Variants in ADCYAP1 observed in about 807,000 individuals in gnomAD.
ADCYAP1 encodes the protein adenylate cyclase activating polypeptide 1, also known as pituitary adenylate cyclase-activating polypeptide.
In ADCYAP1, 6 loss-of-function variants were observed where a neutral mutation model predicts 18.5. The observed-to-expected ratio is 0.32, with a 90% CI of 0.18 to 0.64. The LOEUF (loss-of-function observed/expected upper bound fraction) is 0.64. ADCYAP1 is among the 30% of genes least tolerant of loss of function. The pLI, the probability that ADCYAP1 is intolerant of heterozygous loss-of-function variation, is 0.77. For missense variants in ADCYAP1, 314 were observed against 253.6 expected, an observed-to-expected ratio of 1.24 and a Z score of -1.62; for synonymous variants, 136 against 113.9, an observed-to-expected ratio of 1.19 and a Z score of -1.24.
At chr18:907,855 G>A (rs1272545762) in intron 3 of ADCYAP1, 65 bp downstream of exon 3, 18 of 1,406,188 alleles carry the variant, frequency 1.3e-5, no homozygotes, top group Non-Finnish European at 1.4e-5. Flanking sequence ...GACGGGAGGG[G>A]CAGTGTGGTG....
At position 907,738 on chromosome 18, in the gene ADCYAP1, CCCGCCTCCGCGCCGCGCGCCGCCG is replaced by C; in HGVS notation, c.197_220del (p.Ser66_Ala73del). On this transcript the variant is annotated inframe_deletion, in exon 3 of 5. Transcript: ENST00000450565. Reference sequence around the variant, plus strand: ...CTCGGAGCCGCCGGGCGCAGGGAGCCCCGCCTCCGCGCCGCGCGCCGCCGCCGCCTGGTACCGCCCGGCCGGGAG... The same window carrying C: ...CTCGGAGCCGCCGGGCGCAGGGAGCCCCGCCTGGTACCGCCCGGCCGGGAG... The C allele has an allele frequency of 1.3e-6, 2 of 1,519,246 alleles. No homozygotes were observed. The highest frequency in any genetic ancestry group is 1.8e-6 in the Non-Finnish European group (2 of 1,140,160). The allele number at this position is 1,519,246 out of a possible 1,614,324, so 94.1% of individuals were successfully genotyped here.
chr18:907,893 C>G, intron 3 of ADCYAP1, 103 bp downstream of exon 3: 9 of 1,361,776 alleles, frequency 6.6e-6, no homozygotes, highest in South Asian at 1.7e-5. Context: ...TTTTTTTTCC[C>G]GTGAAAGTCC....
rs753893246 is a variant in ADCYAP1 at position 909,644 on chromosome 18, T to A, written c.*9T>A. 5.0e-6 allele frequency: 8 copies of A among 1,612,384 alleles called. No individual in the cohort carries two copies. The South Asian group carries it at 8.8e-5, about 18-fold the overall frequency. ...GAATAGCTTATTTGTAGCGATGGGT[T>A]ACCAGCTACCCTGTGTATACAGCCC... On this transcript the variant is annotated 3_prime_UTR_variant, in exon 5 of 5. Transcript: ENST00000450565.
Position 908,327 on chromosome 18 carries a change from G to A in ADCYAP1, c.305G>A (p.Gly102Glu), listed in dbSNP as rs1413469619. ...AAAGTGCTGGACCAGCTGTCCGCCG[G>A]GAAGCACCTGCAGTCGCTCGTGGCC... Reference protein sequence around the residue: ...YRKVLDQLSAGKHLQSLVARG... With the variant: ...YRKVLDQLSAEKHLQSLVARG... The change falls in exon 4 of 5, where the codon GGG becomes GAG. Residue 102 changes from glycine to glutamate, a missense_variant. By Grantham distance (98) the Gly-to-Glu change is moderately conservative. Transcript: ENST00000450565. 2.5e-6 allele frequency: 4 copies of A among 1,613,290 alleles called. No homozygotes were observed. Among genetic ancestry groups the A allele is most frequent in the East Asian group, 2.2e-5 (1 of 44,854 alleles).
chr18:909,714 G>T lies in ADCYAP1; in HGVS notation c.*79G>T, dbSNP rs975006882. 2.3e-5 allele frequency: 30 copies of T among 1,321,538 alleles called. No homozygotes were observed. The African/African-American group carries it at 4.2e-4, about 19-fold the overall frequency. The allele number at this position is 1,321,538 out of a possible 1,614,324, so 81.9% of individuals were successfully genotyped here. ...TTTCCAAACTGACTCAACAGTCATCGCTCGTGTGTTCTATCCAAACATGTA... is the reference window on the plus strand; with the variant it reads ...TTTCCAAACTGACTCAACAGTCATCTCTCGTGTGTTCTATCCAAACATGTA... On this transcript the variant is annotated 3_prime_UTR_variant, in exon 5 of 5. Coordinates refer to ENST00000450565, the MANE Select transcript of ADCYAP1 (RefSeq NM_001099733.2).
intron 3 of ADCYAP1, 179 bp downstream of exon 3, chr18:907,969 GTGTGGACC>G: frequency 8.1e-7 from 1 of 1,237,174 alleles, no homozygotes; most frequent in Non-Finnish European, 1.1e-6. Flanking sequence ...GGGCGGGTCT[GTGTGGACC>G]TGAGGGCCGC....
chr18:905,879 G>T (rs963439399), intron 2 of ADCYAP1: 1 of 256,622 alleles, frequency 3.9e-6, no homozygotes, highest in Non-Finnish European at 7.4e-6. Flanking sequence ...CCTGGCCGGG[G>T]GTTGAGCGTG....
In ADCYAP1 at chr18:905,030, C is replaced by T. The variant is rs1909106554; in HGVS notation, c.-32C>T. ...GCGCTTTGCCCGCCGTCCTACCTGG[C>T]AGCTCTCCTGGCAGCGGGAGGAGTT... On this transcript the variant is annotated 5_prime_UTR_variant, in exon 1 of 5. Transcript: ENST00000450565. 7.7e-7 allele frequency: 1 copy of T among 1,295,258 alleles called. No homozygotes were observed. The highest frequency in any genetic ancestry group is 2.3e-5 in the Admixed American group (1 of 42,894). The allele number at this position is 1,295,258 out of a possible 1,614,324, so 80.2% of individuals were successfully genotyped here.
upstream of ADCYAP1, chr18:904,806 C>T: frequency 7.8e-7 from 1 of 1,285,812 alleles, no homozygotes; most frequent in Non-Finnish European, 1.0e-6. Context: ...CTGCCTCTCT[C>T]TCTGCGCCCC....
chr18:908,002 G>A (rs776361223), intron 3 of ADCYAP1: 1,295 of 961,036 alleles, frequency 1.3e-3, no homozygotes, highest in Non-Finnish European at 1.8e-3. Context: ...GGACCGAGGG[G>A]GGCTGTGGCC....
intron 1 of ADCYAP1, 148 bp from the exon 2 acceptor site, chr18:905,238 G>A: frequency 2.0e-6 from 3 of 1,467,842 alleles, no homozygotes; most frequent in South Asian, 2.8e-5. Flanking sequence ...GTGGCAGGGC[G>A]CGCACCGGCT....
intron 1 of ADCYAP1, 107 bp from the exon 2 acceptor site, chr18:905,279 G>C (rs886294261): frequency 2.0e-6 from 3 of 1,522,042 alleles, no homozygotes; most frequent in Non-Finnish European, 1.8e-6. Context: ...TCAGGGAGCC[G>C]GGGCTTCGCT....
chr18:904,423 TAAAGGC>T, upstream of ADCYAP1: 14 of 1,283,550 alleles, frequency 1.1e-5, no homozygotes, highest in African/African-American at 1.5e-5. Context: ...ATTCTGTACT[TAAAGGC>T]AACAGGCAGG....
chr18:907,911 T>C, intron 3 of ADCYAP1, 121 bp downstream of exon 3: 1 of 1,367,448 alleles, frequency 7.3e-7, no homozygotes, highest in Non-Finnish European at 9.4e-7. Context: ...TCCTCAAGCC[T>C]GTCCTCTCCC....
rs772551357 is a variant in ADCYAP1, at chr18:904,930, G to A, written c.-132G>A. ...CCTCCTGCTGCTCCCGCTGGTTCCT[G>A]CGGCTTCTGCTCAGACACCAACGCC... is the stretch of plus-strand genomic sequence containing the variant. On this transcript the variant is annotated 5_prime_UTR_variant, in exon 1 of 5. Transcript: ENST00000450565. 22 of 1,290,222 alleles carry A rather than the reference G, an allele frequency of 1.7e-5. No homozygotes were observed. The South Asian group carries it at 2.5e-4, about 14-fold the overall frequency. 79.9% of individuals were successfully genotyped at this position (1,290,222 alleles called of 1,614,324 possible).
Position 911,343 on chromosome 18 carries a change from C to T in ADCYAP1, c.*1708C>T, listed in dbSNP as rs1598986845. On this transcript the variant is annotated 3_prime_UTR_variant, in exon 5 of 5. Coordinates refer to ENST00000450565, the MANE Select transcript of ADCYAP1 (RefSeq NM_001099733.2). ...GAGCAGCAACAGACAAACCAGCCAG[C>T]CAATCTCCCAAATTTCAGGCACAAG... The T allele has an allele frequency of 2.0e-5, 3 of 149,916 alleles. No homozygotes were observed. The highest frequency in any genetic ancestry group is 7.4e-5 in the African/African-American group (3 of 40,792). 9.3% of individuals were successfully genotyped at this position (149,916 alleles called of 1,614,324 possible).
Position 911,843 on chromosome 18 carries a change from G to A in ADCYAP1, c.*2208G>A, listed in dbSNP as rs1909399785. The stretch of plus-strand genomic sequence containing the variant: ...TTTTCTGTATTTGTATCAGCTGTTA[G>A]TGGTGAAATAGGGCTCTAGTTAACC... On this transcript the variant is annotated 3_prime_UTR_variant, in exon 5 of 5. Coordinates refer to ENST00000450565, the MANE Select transcript of ADCYAP1 (RefSeq NM_001099733.2). 1 of 152,196 alleles carries A rather than the reference G, an allele frequency of 6.6e-6. No individual in the cohort carries two copies. The highest frequency in any genetic ancestry group is 6.5e-5 in the Admixed American group (1 of 15,286). 9.4% of individuals were successfully genotyped at this position (152,196 alleles called of 1,614,324 possible).
intron 3 of ADCYAP1, 146 bp downstream of exon 3, chr18:907,936 T>C: frequency 7.5e-7 from 1 of 1,329,446 alleles, no homozygotes; most frequent in Non-Finnish European, 9.7e-7. Flanking sequence ...CCGATCCTAT[T>C]GCAGCGACAG....
At chr18:908,001 G>C in intron 3 of ADCYAP1, 1 of 974,580 alleles carries the variant, frequency 1.0e-6, no homozygotes, top group Non-Finnish European at 1.4e-6. Flanking sequence ...GGGACCGAGG[G>C]GGGCTGTGGC....
Sources: allele counts gnomAD v4.1 joint callset, GRCh38; gene constraint gnomAD v4.1.1; transcripts MANE v1.5; gene names NCBI Gene and HGNC (gene_info 2026-07-23, HGNC 2026-07-21).